The following PDZD2 variants were observed in gnomAD, a reference collection of about 807,000 sequenced individuals.
PDZD2 encodes the protein PDZ domain-containing protein 2.
Under a neutral mutation model 220.7 loss-of-function variants are expected in PDZD2, and 90 were observed. The observed-to-expected ratio is 0.41, with a 90% confidence interval of 0.34 to 0.49. The LOEUF is 0.49. Among genes scored for constraint, PDZD2 ranks in the 20% least tolerant of loss-of-function variants. PDZD2 has a pLI of 0.28. For synonymous variants in PDZD2, 1,375 were observed against 1,450.5 expected, an observed-to-expected ratio of 0.95 and a Z score of 1.18; for missense variants, 3,174 against 3,608.5, an observed-to-expected ratio of 0.88 and a Z score of 3.08.
At chr5:32,015,394 A>T (rs979950754) in intron 6 of PDZD2, among the ~76,000 whole-genome samples, 3 of 151,918 alleles carry the variant, frequency 2.0e-5, no homozygotes, top group Non-Finnish European at 2.9e-5. Flanking sequence ...GTACAGGTGC[A>T]CGCCACCGCA....
At chr5:31,994,718 C>T (rs1751497652) in intron 3 of PDZD2, among the ~76,000 whole-genome samples, 1 of 152,136 alleles carries the variant, frequency 6.6e-6, no homozygotes, top group African/African-American at 2.4e-5. Flanking sequence ...AACTCCTGAC[C>T]TCAGGTGATC....
intron 1 of PDZD2, among the ~76,000 whole-genome samples, chr5:31,792,013 C>G (rs1201913987): frequency 6.6e-6 from 1 of 152,206 alleles, no homozygotes; most frequent in Non-Finnish European, 1.5e-5. Context: ...TGTAACCCTA[C>G]CCAACAATTT....
In PDZD2 at chr5:31,673,933, T is replaced by G. The variant is rs190381784; in HGVS notation, c.-361+34496T>G. On this transcript the variant is annotated intron_variant, in intron 1 of 24. Coordinates refer to ENST00000438447, the MANE Select transcript of PDZD2 (RefSeq NM_178140.4). ...TTGCAGTGAGCTGAGATCACGCCACTGTACTCCAGCCTGGGCAACAGAGCA... is the reference window on the plus strand; with the variant it reads ...TTGCAGTGAGCTGAGATCACGCCACGGTACTCCAGCCTGGGCAACAGAGCA... Among the ~76,000 whole-genome samples, 347 of 152,236 alleles carry G rather than the reference T, an allele frequency of 2.3e-3. 1 individual carries two copies. Among genetic ancestry groups the G allele is most frequent in the African/African-American group, 8.1e-3 (338 of 41,532 alleles).
intron 2 of PDZD2, among the ~76,000 whole-genome samples, chr5:31,967,474 C>T (rs758657856): frequency 9.2e-5 from 14 of 152,168 alleles, no homozygotes; most frequent in Non-Finnish European, 1.9e-4. Context: ...CAGCAGCTCT[C>T]ACAGTGGAGG....
At chr5:32,100,925 GGAGGCCAACAGT>G (rs1285267413) in intron 23 of PDZD2, 168 bp from the exon 24 acceptor site, 3 of 1,596,392 alleles carry the variant, frequency 1.9e-6, no homozygotes, top group Admixed American at 1.7e-5. Flanking sequence ...CCCAGAATTG[GGAGGCCAACAGT>G]GCTACTGGGC....
intron 1 of PDZD2, among the ~76,000 whole-genome samples, chr5:31,663,376 C>T (rs1745858426): frequency 6.6e-6 from 1 of 152,156 alleles, no homozygotes; most frequent in African/African-American, 2.4e-5. Flanking sequence ...GACTTTTCCC[C>T]ACTGCCCCAA....
chr5:31,708,651 A>G (rs778485117), intron 1 of PDZD2, among the ~76,000 whole-genome samples: 1 of 152,220 alleles, frequency 6.6e-6, no homozygotes, highest in Non-Finnish European at 1.5e-5. Context: ...AATTCAGGGA[A>G]GTAAAATTCA....
At position 32,109,582 on chromosome 5, in the gene PDZD2, A is replaced by C. The variant is rs1410034279; in HGVS notation, c.*1447A>C. 1 of 152,232 alleles carries C rather than the reference A, an allele frequency of 6.6e-6. No individual in the cohort carries two copies. The highest frequency in any genetic ancestry group is 1.5e-5 in the Non-Finnish European group (1 of 68,058). The allele number at this position is 152,232 out of a possible 1,614,324, so 9.4% of individuals were successfully genotyped here. On this transcript the variant is annotated 3_prime_UTR_variant, in exon 25 of 25. Coordinates refer to ENST00000438447, the MANE Select transcript of PDZD2 (RefSeq NM_178140.4). Reference sequence around the variant, plus strand: ...AGAGGAGGAGAAACAGGGTGAGTCAAGGTAAAGGAGCAGAAATGTAGTTAC... The same window carrying C: ...AGAGGAGGAGAAACAGGGTGAGTCACGGTAAAGGAGCAGAAATGTAGTTAC...
In PDZD2 at chr5:31,966,748, A is replaced by G. The variant is rs187320644; in HGVS notation, c.477-16407A>G. ...TGAAGACAGATGAACAACAGGGAAA[A>G]TATCCGACTAACTTGGCTTCTAAGG... On this transcript the variant is annotated intron_variant, in intron 2 of 24. Transcript: ENST00000438447. Among the ~76,000 whole-genome samples, 13 of 152,332 alleles carry G rather than the reference A, an allele frequency of 8.5e-5. No individual in the cohort carries two copies. In the East Asian group the frequency reaches 2.5e-3, roughly 29 times the overall value.
chr5:31,656,953 C>A (rs867965382), intron 1 of PDZD2, among the ~76,000 whole-genome samples: 13 of 152,192 alleles, frequency 8.5e-5, no homozygotes, highest in Non-Finnish European at 1.9e-4. Context: ...TCAGGTAACC[C>A]GATACACTGG....
intron 2 of PDZD2, chr5:31,840,977 C>A: frequency 2.4e-6 from 1 of 420,574 alleles, no homozygotes; most frequent in East Asian, 3.5e-5. Context: ...CTCATTTTGG[C>A]GAATTACTGG....
At chr5:31,795,325 G>A (rs1272699243) in intron 1 of PDZD2, among the ~76,000 whole-genome samples, 1 of 152,292 alleles carries the variant, frequency 6.6e-6, no homozygotes, top group East Asian at 1.9e-4. Context: ...ATCCAAGAAA[G>A]TTGGTAGATT....
intron 1 of PDZD2, among the ~76,000 whole-genome samples, chr5:31,781,786 T>C (rs778704253): frequency 2.6e-5 from 4 of 152,220 alleles, no homozygotes; most frequent in Non-Finnish European, 4.4e-5. Context: ...TTGTATAATG[T>C]GAGACAGACG....
At chr5:32,007,772 C>T (rs1407175361) in intron 5 of PDZD2, among the ~76,000 whole-genome samples, 2 of 152,216 alleles carry the variant, frequency 1.3e-5, no homozygotes, top group Non-Finnish European at 2.9e-5. Context: ...GCTCTTCTTG[C>T]TCTCTTTCTA....
intron 6 of PDZD2, among the ~76,000 whole-genome samples, chr5:32,036,087 G>C (rs944795490): frequency 2.6e-4 from 40 of 152,120 alleles, no homozygotes; most frequent in Non-Finnish European, 4.4e-5. Flanking sequence ...GGGACTACAG[G>C]CACCCGCCAC....
In PDZD2 at chr5:32,087,090, C is replaced by G; in HGVS notation, c.3683-41C>G. ...TTATCCCTTTTATCTCCCCTACAACCTCTCCTGTGTATGTACCTTCTGTTT... is the reference window on the plus strand; with the variant it reads ...TTATCCCTTTTATCTCCCCTACAACGTCTCCTGTGTATGTACCTTCTGTTT... On this transcript the variant is annotated intron_variant, in intron 19 of 24. Transcript: ENST00000438447. This position sits in a 1 kb window ranked among gnomAD's most constrained non-coding sequence, Gnocchi z 4.0. 1 of 1,155,854 alleles carries G rather than the reference C, an allele frequency of 8.7e-7. No homozygotes were observed. The highest frequency in any genetic ancestry group is 1.3e-6 in the Non-Finnish European group (1 of 787,434). The allele number at this position is 1,155,854 out of a possible 1,614,324, so 71.6% of individuals were successfully genotyped here.
intron 1 of PDZD2, among the ~76,000 whole-genome samples, chr5:31,714,596 G>A (rs761435175): frequency 9.2e-5 from 14 of 152,184 alleles, no homozygotes; most frequent in East Asian, 1.9e-4. Context: ...ATGTTTATCC[G>A]GTGCTTATAA....
At chr5:31,851,883 G>A (rs192394214) in intron 2 of PDZD2, among the ~76,000 whole-genome samples, 17 of 152,074 alleles carry the variant, frequency 1.1e-4, no homozygotes, top group African/African-American at 3.9e-4. Context: ...CTGAGATAGA[G>A]TCTTGCTCTC....
chr5:31,862,183 C>T (rs1580923981), intron 2 of PDZD2, among the ~76,000 whole-genome samples: 1 of 149,550 alleles, frequency 6.7e-6, no homozygotes, highest in East Asian at 2.0e-4. Context: ...TCAGCTCACC[C>T]CAACATCCAC....
Sources: gnomAD v4.1 joint callset for allele counts (sites outside exome capture counted in the v4.1 genomes callset) on GRCh38, gnomAD v4.1.1 for gene constraint, Gnocchi (gnomAD v3.1) non-coding constraint, MANE v1.5 for transcripts, NCBI Gene and HGNC (gene_info 2026-07-23, HGNC 2026-07-21) for gene names.